The following ADGRV1 variants were observed in gnomAD, a reference collection of about 807,000 sequenced individuals.
ADGRV1 encodes the protein G-protein coupled receptor 98.
A neutral mutation model predicts 596.2 loss-of-function variants in ADGRV1; 359 were observed. The ratio of observed to expected loss-of-function variants is 0.60; its 90% CI spans 0.55 to 0.66. ADGRV1 has a LOEUF of 0.66. ADGRV1 is among the 30% of genes least tolerant of loss of function. The probability of loss-of-function intolerance (pLI) is 0.00; values close to 1 mark genes in which losing one functional copy is unlikely to be tolerated. For synonymous variants in ADGRV1, 2,681 were observed against 2,679.2 expected (o/e 1.00, Z -0.02); for missense variants, 7,274 against 7,575.6 (o/e 0.96, Z 1.48).
chr5:91,149,278 T>C (rs1028898376), intron 87 of ADGRV1, among the ~76,000 whole-genome samples: 1 of 152,208 alleles, frequency 6.6e-6, no homozygotes, highest in East Asian at 1.9e-4. Flanking sequence ...CCTTGAATTA[T>C]AATAATCCCC....
At chr5:90,912,387 A>G (rs976431206) in intron 83 of ADGRV1, among the ~76,000 whole-genome samples, 7 of 151,972 alleles carry the variant, frequency 4.6e-5, no homozygotes, top group Non-Finnish European at 1.0e-4. Context: ...AATAATTTCA[A>G]CTTTTATTTT....
chr5:91,069,236 A>T (rs1788162976), intron 85 of ADGRV1, among the ~76,000 whole-genome samples: 1 of 152,114 alleles, frequency 6.6e-6, no homozygotes, highest in East Asian at 1.9e-4. Context: ...CCCTGGCACA[A>T]TGTCCATGGA....
At chr5:90,949,455 G>A (rs565475595) in intron 83 of ADGRV1, among the ~76,000 whole-genome samples, 5 of 152,206 alleles carry the variant, frequency 3.3e-5, no homozygotes, top group African/African-American at 1.2e-4. Context: ...AAAACTATTC[G>A]ATCTTGCAAA....
At chr5:90,778,108 A>T in intron 62 of ADGRV1, 65 bp downstream of exon 62, 1 of 1,470,052 alleles carries the variant, frequency 6.8e-7, no homozygotes, top group Non-Finnish European at 9.2e-7. Context: ...CACATGTGTG[A>T]GCATATGTGT....
intron 75 of ADGRV1, chr5:90,822,184 T>C (rs147168260): frequency 0.017 from 2,602 of 153,760 alleles, 57 homozygotes; most frequent in African/African-American, 0.06. Context: ...ATTTTCCAGG[T>C]GCGTCCGTCA....
chr5:90,642,227 T>C (rs1767060346), intron 11 of ADGRV1, among the ~76,000 whole-genome samples: 1 of 152,172 alleles, frequency 6.6e-6, no homozygotes, highest in Admixed American at 6.5e-5. Flanking sequence ...AATTCAAGTG[T>C]ATGTAAAATT....
At chr5:91,159,762 T>C (rs1396608043) in intron 89 of ADGRV1, among the ~76,000 whole-genome samples, 2 of 152,130 alleles carry the variant, frequency 1.3e-5, no homozygotes, top group South Asian at 2.1e-4. Flanking sequence ...ACCAGGACTT[T>C]AGGAGAATGG....
At chr5:91,019,088 C>T (rs1848486) in intron 85 of ADGRV1, among the ~76,000 whole-genome samples, 53,984 of 151,696 alleles carry the variant, frequency 0.36, 9,826 homozygotes, top group East Asian at 0.48. Flanking sequence ...CTGTTGGCTG[C>T]ATGGATTCAA....
At position 90,745,725 on chromosome 5, in the gene ADGRV1, G is replaced by A. The variant is rs1452189897; in HGVS notation, c.10904G>A (p.Gly3635Asp). Residue 3635 changes from glycine to aspartate, a missense_variant, in exon 52 of 90, where the codon GGC (glycine) becomes GAC (aspartate). By Grantham distance (94) the Gly-to-Asp change is moderately conservative. Coordinates refer to ENST00000405460, the MANE Select transcript of ADGRV1 (RefSeq NM_032119.4). ...LKNPKGGAEI[G>D]INDSVTITIL... is the part of the protein sequence containing the mutation. ...AATCCCAAAGGAGGAGCAGAGATTG[G>A]CATTAATGATTCTGTAACAATAACC... 6 of 1,612,070 alleles carry A rather than the reference G, an allele frequency of 3.7e-6. No individual in the cohort carries two copies. Among genetic ancestry groups the A allele is most frequent in the Non-Finnish European group, 5.1e-6 (6 of 1,178,714 alleles).
chr5:91,126,528 G>A lies in ADGRV1; in HGVS notation c.18433-23502G>A, dbSNP rs868664852. On this transcript the variant is annotated intron_variant, in intron 87 of 89. Coordinates refer to ENST00000405460, the MANE Select transcript of ADGRV1 (RefSeq NM_032119.4). Reference sequence around the variant, plus strand: ...TGAAGAGGGTAGAAGTAGAAATGAGGTCAGCCCCCCAGAGCAGTCTGGTGG... The same window carrying A: ...TGAAGAGGGTAGAAGTAGAAATGAGATCAGCCCCCCAGAGCAGTCTGGTGG... Among the ~76,000 whole-genome samples the A allele has an allele frequency of 8.3e-4, 127 of 152,290 alleles. 2 individuals carry two copies. The Middle Eastern group carries it at 0.01, about 12-fold the overall frequency.
intron 34 of ADGRV1, among the ~76,000 whole-genome samples, chr5:90,703,197 A>C (rs1580795456): frequency 6.6e-6 from 1 of 152,204 alleles, no homozygotes; most frequent in Admixed American, 6.5e-5. Flanking sequence ...GTAAGTTACA[A>C]CTAAAGAAAT....
intron 50 of ADGRV1, among the ~76,000 whole-genome samples, chr5:90,736,279 G>C (rs959472717): frequency 1.3e-5 from 2 of 151,858 alleles, no homozygotes; most frequent in African/African-American, 4.8e-5. Context: ...CACATTTCTT[G>C]ATCTGCATAT....
At chr5:91,022,372 T>G (rs2151191023) in intron 85 of ADGRV1, among the ~76,000 whole-genome samples, 1 of 152,134 alleles carries the variant, frequency 6.6e-6, no homozygotes, top group Non-Finnish European at 1.5e-5. Context: ...GGAGCCCAAA[T>G]GGTGAGACCA....
At chr5:91,018,510 G>A (rs1456454212) in intron 85 of ADGRV1, among the ~76,000 whole-genome samples, 1 of 151,926 alleles carries the variant, frequency 6.6e-6, no homozygotes, top group African/African-American at 2.4e-5. Flanking sequence ...TTTGCTTTGG[G>A]TTCTTAGGTG....
chr5:90,850,627 T>C (rs751544080), intron 79 of ADGRV1: 1 of 152,190 alleles, frequency 6.6e-6, no homozygotes, highest in Non-Finnish European at 1.5e-5. Context: ...AAGCAGTTCA[T>C]AGCTTTGCAA....
chr5:90,684,116 T>C lies in ADGRV1; in HGVS notation c.6195T>C (p.Asp2065=). The change falls in exon 28 of 90, where the codon GAT becomes GAC. Residue 2065 remains aspartate (D), a synonymous_variant. Transcript: ENST00000405460. The part of the protein sequence containing the change: ...EATIAISILD[D]DEPERSESVF... ...CAATAGCTATTTCAATTTTGGATGATGATGAGCCAGAAAGGTCCGAATCTG... is the reference window on the plus strand; with the variant it reads ...CAATAGCTATTTCAATTTTGGATGACGATGAGCCAGAAAGGTCCGAATCTG... The C allele has an allele frequency of 1.2e-6, 2 of 1,613,908 alleles. No individual in the cohort carries two copies. The highest frequency in any genetic ancestry group is 1.7e-5 in the Admixed American group (1 of 60,014).
intron 1 of ADGRV1, among the ~76,000 whole-genome samples, chr5:90,584,095 G>A (rs1216750793): frequency 3.3e-5 from 5 of 152,084 alleles, no homozygotes; most frequent in Admixed American, 2.6e-4. Flanking sequence ...TTCACAATGG[G>A]CATACTAATA....
chr5:90,672,032 G>A (rs1314398546), intron 21 of ADGRV1, among the ~76,000 whole-genome samples: 1 of 151,970 alleles, frequency 6.6e-6, no homozygotes, highest in Non-Finnish European at 1.5e-5. Flanking sequence ...ATGCCACCCC[G>A]CCAAAATGAT....
At chr5:90,596,209 G>A (rs1161073144) in intron 1 of ADGRV1, among the ~76,000 whole-genome samples, 46 of 150,088 alleles carry the variant, frequency 3.1e-4, no homozygotes, top group Non-Finnish European at 5.0e-4. Context: ...GGGCAGAGAC[G>A]CTCCTCACTT....
Sources: allele counts gnomAD v4.1 joint callset (sites outside exome capture counted in the v4.1 genomes callset), GRCh38; gene constraint gnomAD v4.1.1; transcripts MANE v1.5; gene names NCBI Gene and HGNC (gene_info 2026-07-23, HGNC 2026-07-21).